DNAH5: variants seen among roughly 807,000 people sequenced by gnomAD.
DNAH5 encodes axonemal beta dynein heavy chain 5.
A neutral mutation model predicts 518.2 loss-of-function variants in DNAH5; 372 were observed. The ratio of observed to expected loss-of-function variants is 0.72; its 90% CI spans 0.66 to 0.78. DNAH5 has a LOEUF of 0.78. Among genes scored for constraint, DNAH5 ranks in the 30% least tolerant of loss-of-function variants. The probability of loss-of-function intolerance (pLI) is 0.00; values close to 1 mark genes in which losing one functional copy is unlikely to be tolerated. For missense variants in DNAH5, 5,523 were observed against 5,687.0 expected, an observed-to-expected ratio of 0.97 and a Z score of 0.93; for synonymous variants, 2,039 against 2,025.9, an observed-to-expected ratio of 1.01 and a Z score of -0.17.
In DNAH5 at chr5:13,780,940, G is replaced by C. The variant is rs756216163; in HGVS notation, c.8840C>G (p.Thr2947Ser). ...HLVKISRVIR[T>S]PQGNALLVGV... is the part of the protein sequence containing the mutation. ...GACCAGGAGGGCATTTCCCTGAGGAGTACGAATGACACGAGAGATCTGTAA... is the reference window on the plus strand; with the variant it reads ...GACCAGGAGGGCATTTCCCTGAGGACTACGAATGACACGAGAGATCTGTAA... Residue 2947 changes from threonine to serine, a missense_variant, in exon 53 of 79, where the codon ACT becomes AGT. Around this residue, in one of 3 missense-constraint regions of DNAH5, gnomAD observed 5,121 missense variants for 5,223.3 expected, o/e 0.98. Transcript: ENST00000265104. 5 of 1,613,746 alleles carry C rather than the reference G, an allele frequency of 3.1e-6. No individual in the cohort carries two copies. Among genetic ancestry groups the C allele is most frequent in the Non-Finnish European group, 4.2e-6 (5 of 1,179,766 alleles).
At chr5:13,703,659 T>C (rs1473745761) in intron 76 of DNAH5, among the ~76,000 whole-genome samples, 1 of 152,202 alleles carries the variant, frequency 6.6e-6, no homozygotes, top group African/African-American at 2.4e-5. Context: ...AGTAGCCTGT[T>C]GGGAGGTGCC....
chr5:13,691,584 C>T lies in DNAH5; in HGVS notation c.*400G>A. 1 of 177,242 alleles carries T rather than the reference C, an allele frequency of 5.6e-6. No homozygotes were observed. The highest frequency in any genetic ancestry group is 1.2e-5 in the Non-Finnish European group (1 of 83,328). 11.0% of individuals were successfully genotyped at this position (177,242 alleles called of 1,614,324 possible). A position where few individuals can be genotyped will look rare whatever the true frequency, so the allele number is the denominator to read the frequency against. Reference sequence around the variant, plus strand: ...AAAGGCAATAGAAGCAAAATCAGCACAGACTTGCCCTGTTACCTTCAAGAA... The same window carrying T: ...AAAGGCAATAGAAGCAAAATCAGCATAGACTTGCCCTGTTACCTTCAAGAA... On this transcript the variant is annotated 3_prime_UTR_variant, in exon 79 of 79. Transcript: ENST00000265104.
At chr5:13,750,858 G>A (rs932846427) in intron 65 of DNAH5, among the ~76,000 whole-genome samples, 2 of 152,086 alleles carry the variant, frequency 1.3e-5, no homozygotes, top group African/African-American at 4.8e-5. Flanking sequence ...GGCAATCGAT[G>A]ACATACGTAA....
chr5:13,948,976 C>A (rs1208519299), upstream of DNAH5, among the ~76,000 whole-genome samples: 5 of 152,054 alleles, frequency 3.3e-5, no homozygotes, highest in Admixed American at 2.0e-4. Flanking sequence ...CTAGAGAAAT[C>A]CTGGTTGAGG....
intron 1 of DNAH5, among the ~76,000 whole-genome samples, chr5:13,981,331 T>C (rs962108483): frequency 2.0e-5 from 3 of 152,172 alleles, no homozygotes; most frequent in Non-Finnish European, 2.9e-5. Flanking sequence ...GTCACATATG[T>C]GTCTTGTTCA....
In DNAH5 at chr5:13,769,530, G is replaced by T. The variant is rs1165688610; in HGVS notation, c.9691C>A (p.Leu3231Ile). The T allele has an allele frequency of 1.2e-6, 2 of 1,614,042 alleles. No homozygotes were observed. Among genetic ancestry groups the T allele is most frequent in the South Asian group, 2.2e-5 (2 of 91,086 alleles). The change falls in exon 57 of 79, where the codon CTA (leucine) becomes ATA (isoleucine). Residue 3231 changes from leucine (L) to isoleucine (I), a missense_variant. Leu to Ile is a conservative substitution (Grantham distance 5). Around this residue, in one of 3 missense-constraint regions of DNAH5, gnomAD observed 5,121 missense variants for 5,223.3 expected, o/e 0.98. Coordinates refer to ENST00000265104, the MANE Select transcript of DNAH5 (RefSeq NM_001369.3). ...SKELEAKEKE[L>I]QVANDKADMV... ...TCGGCTTTATCGTTGGCCACTTGTA[G>T]CTCCTTTTCTTTCGCTTCCAGTTCT...
chr5:13,845,955 G>A (rs911560235), intron 31 of DNAH5, among the ~76,000 whole-genome samples: 17 of 147,884 alleles, frequency 1.1e-4, no homozygotes, highest in Non-Finnish European at 1.6e-4. Flanking sequence ...TTCAGCCTCC[G>A]AAGTGGCTGG....
At chr5:13,930,026 C>T (rs531308843) in intron 2 of DNAH5, among the ~76,000 whole-genome samples, 1 of 152,312 alleles carries the variant, frequency 6.6e-6, no homozygotes, top group South Asian at 2.1e-4. Context: ...GGGACCGACA[C>T]ATGGTAAACA....
chr5:13,720,969 C>T, intron 71 of DNAH5, 31 bp downstream of exon 71: 1 of 1,613,986 alleles, frequency 6.2e-7, no homozygotes, highest in Non-Finnish European at 8.5e-7. Flanking sequence ...ATATGAACAG[C>T]ATGGCACAAA....
intron 52 of DNAH5, among the ~76,000 whole-genome samples, chr5:13,781,630 G>C (rs1755153827): frequency 6.6e-6 from 1 of 152,052 alleles, no homozygotes; most frequent in Non-Finnish European, 1.5e-5. Flanking sequence ...TTTCGCTTTT[G>C]CATCTTCCTC....
chr5:13,942,573 C>G (rs1280143555), intron 1 of DNAH5, among the ~76,000 whole-genome samples: 1 of 152,110 alleles, frequency 6.6e-6, no homozygotes, highest in Non-Finnish European at 1.5e-5. Context: ...TTAACAAGAA[C>G]CCCTGTAGAG....
intron 1 of DNAH5, among the ~76,000 whole-genome samples, chr5:13,933,472 G>A (rs954654569): frequency 6.6e-6 from 1 of 152,164 alleles, no homozygotes; most frequent in Non-Finnish European, 1.5e-5. Flanking sequence ...CCAGGAGCAA[G>A]GAGAAAAAGA....
intron 12 of DNAH5, among the ~76,000 whole-genome samples, chr5:13,904,283 A>C (rs1775015482): frequency 6.6e-6 from 1 of 150,722 alleles, no homozygotes; most frequent in Non-Finnish European, 1.5e-5. Context: ...TAAATGGCTT[A>C]AACTTGCAAT....
intron 1 of DNAH5, among the ~76,000 whole-genome samples, chr5:13,991,617 G>C (rs1199807043): frequency 6.6e-6 from 1 of 151,574 alleles, no homozygotes; most frequent in South Asian, 2.1e-4. Flanking sequence ...AGGGGAGAGG[G>C]AGATTGTATA....
chr5:13,921,750 A>ACCCC lies in DNAH5; in HGVS notation c.660+353_660+356dup, dbSNP rs70964521. On this transcript the variant is annotated intron_variant, in intron 5 of 78. Transcript: ENST00000265104. ...CCACCTCCATCTGCCGCCCACACAC[A>ACCCC]CCCCCCCACACACACACACACTTCA... is the stretch of plus-strand genomic sequence containing the variant. 4.8e-3 allele frequency among the ~76,000 whole-genome samples: 641 copies of ACCCC among 134,324 alleles called. 13 individuals are homozygous for ACCCC. Among genetic ancestry groups the ACCCC allele is most frequent in the Middle Eastern group, 0.017 (4 of 238 alleles). The allele number at this position is 134,324 out of a possible 152,430, so 88.1% of individuals were successfully genotyped here. A position where few individuals can be genotyped will look rare whatever the true frequency, so the allele number is the denominator to read the frequency against.
intron 16 of DNAH5, among the ~76,000 whole-genome samples, chr5:13,893,261 G>C (rs1773507690): frequency 1.3e-5 from 2 of 152,154 alleles, no homozygotes; most frequent in South Asian, 4.1e-4. Context: ...GGGAGAGAGA[G>C]AGAGAATAAA....
rs893324305 is a variant in DNAH5, at chr5:13,995,257, C to T, written c.12+16391G>A. Among the ~76,000 whole-genome samples the T allele has an allele frequency of 4.6e-5, 7 of 152,204 alleles. 1 individual carries two copies. Among genetic ancestry groups the T allele is most frequent in the Admixed American group, 4.6e-4 (7 of 15,280 alleles). On this transcript the variant is annotated intron_variant, in intron 1 of 78. Transcript: ENST00000681290. ...TGCCACATACAGTGCACCACATATA[C>T]AGTAGCGGGCAATTACAGACAATGC...
intron 40 of DNAH5, 98 bp downstream of exon 40, chr5:13,823,165 T>G: frequency 1.2e-6 from 1 of 845,512 alleles, no homozygotes; most frequent in South Asian, 1.3e-5. Context: ...TTTTTGCTGC[T>G]CAGAGTGCAT....
In DNAH5 at chr5:13,931,172, C is replaced by G; in HGVS notation, c.130G>C (p.Val44Leu). 1 of 1,614,136 alleles carries G rather than the reference C, an allele frequency of 6.2e-7. No individual in the cohort carries two copies. Among genetic ancestry groups the G allele is most frequent in the Non-Finnish European group, 8.5e-7 (1 of 1,179,966 alleles). The change falls in exon 2 of 79, where the codon GTG (valine) becomes CTG (leucine). Residue 44 changes from valine to leucine, a missense_variant. Val to Leu is a conservative substitution (Grantham distance 32, BLOSUM62 1). This residue lies in a region of DNAH5 where 5,121 missense variants were observed against 5,223.3 expected (regional missense o/e 0.98). Coordinates refer to ENST00000265104, the MANE Select transcript of DNAH5 (RefSeq NM_001369.3). ...DARHNYLFAI[V>L]ASCLDLNKTE... ...TTGTTCAGGTCCAAACAGGAAGCCA[C>G]AATTGCAAATAAGTAGTTATGCCTC...
Sources: gnomAD v4.1 joint callset for allele counts (sites outside exome capture counted in the v4.1 genomes callset) on GRCh38, gnomAD v4.1.1 for gene constraint, gnomAD v4.1.1 regional missense constraint, MANE v1.5 for transcripts, NCBI Gene and HGNC (gene_info 2026-07-23, HGNC 2026-07-21) for gene names.